The following ABHD18 variants were observed in gnomAD, a reference collection of about 807,000 sequenced individuals.
ABHD18 encodes cardiolipin-specific deacylase, mitochondrial.
A neutral mutation model predicts 65.9 loss-of-function variants in ABHD18; 55 were observed. The observed-to-expected ratio is 0.84, with a 90% CI of 0.67 to 1.05. The LOEUF is 1.05. Ranked by LOEUF, ABHD18 falls within the 50% of genes least tolerant of loss-of-function variation. The pLI, the probability that ABHD18 is intolerant of heterozygous loss-of-function variation, is 0.00. For synonymous variants in ABHD18, 181 were observed against 180.2 expected, an observed-to-expected ratio of 1.00 and a Z score of -0.04; for missense variants, 533 against 558.5, an observed-to-expected ratio of 0.95 and a Z score of 0.46.
intron 4 of ABHD18, among the ~76,000 whole-genome samples, chr4:127,992,411 G>T (rs1418469950): frequency 6.6e-6 from 1 of 152,038 alleles, no homozygotes; most frequent in African/African-American, 2.4e-5. Context: ...GGAGGCCGAG[G>T]TTGCAGTGAG....
In ABHD18 at chr4:128,008,261, C is replaced by CTTT. The variant is rs1167728243; in HGVS notation, c.279-633_279-631dup. 9.9e-4 allele frequency among the ~76,000 whole-genome samples: 97 copies of CTTT among 97,784 alleles called. 11 individuals are homozygous for CTTT. The East Asian group carries it at 0.012, about 12-fold the overall frequency. 64.2% of individuals were successfully genotyped at this position (97,784 alleles called of 152,430 possible). ...TGGGCAACAGAGTGAGACTCCGTTC[C>CTTT]TTTTTTTTTTTTTTTTTTTTTTTTT... On this transcript the variant is annotated intron_variant, in intron 4 of 12. Transcript: ENST00000645843.
At chr4:128,035,205 G>C (rs964221595) in intron 12 of ABHD18, among the ~76,000 whole-genome samples, 3 of 151,810 alleles carry the variant, frequency 2.0e-5, no homozygotes, top group African/African-American at 7.3e-5. Context: ...CTCTGTGTGC[G>C]TGCGTGTATG....
intron 4 of ABHD18, among the ~76,000 whole-genome samples, chr4:127,990,487 C>A (rs1579225501): frequency 1.3e-5 from 2 of 152,096 alleles, no homozygotes; most frequent in South Asian, 4.1e-4. Context: ...TCTATTGAAC[C>A]CAGGAGGCGG....
chr4:128,006,041 G>T (rs574566570), intron 4 of ABHD18, among the ~76,000 whole-genome samples: 1 of 152,178 alleles, frequency 6.6e-6, no homozygotes, highest in African/African-American at 2.4e-5. Context: ...CCCTAATTTG[G>T]CTTATGCTTG....
chr4:128,017,683 A>G (rs1263262745), intron 8 of ABHD18, among the ~76,000 whole-genome samples, 182 bp downstream of exon 8: 1 of 152,186 alleles, frequency 6.6e-6, no homozygotes, highest in Non-Finnish European at 1.5e-5. Flanking sequence ...TGTACGATTT[A>G]TTGATTGTAC....
intron 3 of ABHD18, among the ~76,000 whole-genome samples, chr4:127,987,851 T>G (rs181405312): frequency 7.0e-4 from 107 of 152,298 alleles, no homozygotes; most frequent in Middle Eastern, 3.4e-3. Context: ...TTTTTTAAAA[T>G]GCAATGCAAT....
At chr4:127,996,004 C>T (rs1440248534) in intron 4 of ABHD18, among the ~76,000 whole-genome samples, 4 of 152,200 alleles carry the variant, frequency 2.6e-5, no homozygotes, top group Non-Finnish European at 4.4e-5. Context: ...CTGTATGGTA[C>T]TTAACGGCTT....
At chr4:128,023,403 C>CAAAAAA (rs59549849) in intron 10 of ABHD18, among the ~76,000 whole-genome samples, 2 of 44,964 alleles carry the variant, frequency 4.4e-5, no homozygotes, top group Non-Finnish European at 7.3e-5. Context: ...CTTGTCTCTA[C>CAAAAAA]AAAAAAAAAA....
intron 4 of ABHD18, among the ~76,000 whole-genome samples, chr4:127,996,039 G>A (rs1009328387): frequency 1.3e-5 from 2 of 152,184 alleles, no homozygotes; most frequent in African/African-American, 4.8e-5. Flanking sequence ...AGGGCTTGCT[G>A]GAAAGATACA....
intron 3 of ABHD18, among the ~76,000 whole-genome samples, chr4:127,986,742 T>C (rs1317214820): frequency 6.6e-6 from 1 of 152,208 alleles, no homozygotes; most frequent in African/African-American, 2.4e-5. Context: ...CAAGCCATCA[T>C]AGTGGGTATA....
intron 10 of ABHD18, among the ~76,000 whole-genome samples, chr4:128,027,839 A>T (rs1448824919): frequency 6.6e-6 from 1 of 152,160 alleles, no homozygotes; most frequent in Non-Finnish European, 1.5e-5. Flanking sequence ...TGGATTTTAA[A>T]ACTTTGGCTA....
intron 4 of ABHD18, among the ~76,000 whole-genome samples, chr4:128,001,947 G>A (rs933127112): frequency 6.6e-6 from 1 of 150,924 alleles, no homozygotes; most frequent in Admixed American, 6.6e-5. Flanking sequence ...TTTTTCTCCT[G>A]TTTTGTCTCC....
chr4:127,993,738 C>T lies in ABHD18; in HGVS notation c.278+3917C>T, dbSNP rs570025433. ...ATTAATGGCTCTTTGGTATTCCATA[C>T]TGTGACTCTACCATAATTTACTAAT... On this transcript the variant is annotated intron_variant, in intron 4 of 12. Coordinates refer to ENST00000645843, the MANE Select transcript of ABHD18 (RefSeq NM_001358451.3). 8.7e-4 allele frequency among the ~76,000 whole-genome samples: 133 copies of T among 152,270 alleles called. 1 individual carries two copies. In the South Asian group the frequency reaches 0.025, roughly 29 times the overall value.
chr4:128,001,669 T>C, intron 4 of ABHD18: 1 of 1,523,108 alleles, frequency 6.6e-7, no homozygotes, highest in South Asian at 1.3e-5. Flanking sequence ...CAAAATAACT[T>C]CCTTCAGAAT....
rs540928734 is a variant in ABHD18, at chr4:127,974,192, T to G, written c.-18+8586T>G. ...AGAATATTAACCTTAAGTTCTGTTT[T>G]TTTTTTTTTTTTTTTTTTTTTTTGA... On this transcript the variant is annotated intron_variant, in intron 1 of 12. Transcript: ENST00000645843. Among the ~76,000 whole-genome samples, 654 of 122,806 alleles carry G rather than the reference T, an allele frequency of 5.3e-3. 3 individuals are homozygous for G. Among genetic ancestry groups the G allele is most frequent in the African/African-American group, 0.02 (615 of 31,072 alleles). The allele number at this position is 122,806 out of a possible 152,430, so 80.6% of individuals were successfully genotyped here.
chr4:128,012,609 A>G lies in ABHD18; in HGVS notation c.470+909A>G, dbSNP rs554107595. Among the ~76,000 whole-genome samples the G allele has an allele frequency of 4.6e-5, 7 of 152,320 alleles. No individual in the cohort carries two copies. The East Asian group carries it at 1.3e-3, about 29-fold the overall frequency. ...GCAGGGCAATTGTATAAAGAGTAAT[A>G]TGGGATGCAGTGTAGTAACAGTATT... On this transcript the variant is annotated intron_variant, in intron 7 of 12. Transcript: ENST00000645843.
intron 4 of ABHD18, among the ~76,000 whole-genome samples, chr4:127,992,878 C>T (rs1223358842): frequency 6.6e-6 from 1 of 151,946 alleles, no homozygotes; most frequent in East Asian, 1.9e-4. Context: ...CTTATTAATG[C>T]TTTACTGAAA....
chr4:128,021,260 C>T, intron 10 of ABHD18, 22 bp downstream of exon 10: 2 of 1,334,124 alleles, frequency 1.5e-6, no homozygotes. Context: ...ACTTTCCACC[C>T]AACATTGGTG....
intron 4 of ABHD18, among the ~76,000 whole-genome samples, chr4:127,994,284 A>T (rs908767424): frequency 1.3e-5 from 2 of 152,224 alleles, no homozygotes; most frequent in African/African-American, 2.4e-5. Flanking sequence ...ATTCCAAATG[A>T]ATTATAATAT....
Sources: gnomAD v4.1 joint callset for allele counts (sites outside exome capture counted in the v4.1 genomes callset) on GRCh38, gnomAD v4.1.1 for gene constraint, MANE v1.5 for transcripts, NCBI Gene and HGNC (gene_info 2026-07-23, HGNC 2026-07-21) for gene names.